FHIP2B: variants seen among roughly 807,000 people sequenced by gnomAD.
FHIP2B encodes the protein FHF complex subunit HOOK interacting protein 2B.
A neutral mutation model predicts 84.0 loss-of-function variants in FHIP2B; 72 were observed. The ratio of observed to expected loss-of-function variants is 0.86; its 90% CI spans 0.71 to 1.04. The LOEUF is 1.04. FHIP2B is among the 50% of genes least tolerant of loss of function. FHIP2B has a pLI of 0.00. For synonymous variants in FHIP2B, 497 were observed against 418.7 expected (o/e 1.19, Z -2.28); for missense variants, 972 against 968.9 (o/e 1.00, Z -0.04).
At position 22,098,987 on chromosome 8, in the gene FHIP2B, C is replaced by T; in HGVS notation, c.1005C>T (p.Gly335=). ...CGTCTGATGAGGCTTCCTTCCCTGGCAAGGAGGCCTTGGCTGCCTTCTTGG... is the reference window on the plus strand; with the variant it reads ...CGTCTGATGAGGCTTCCTTCCCTGGTAAGGAGGCCTTGGCTGCCTTCTTGG... ...SAPSDEASFP[G]KEALAAFLGW... is the part of the protein sequence containing the mutation. The change falls in exon 8 of 17, where the codon GGC becomes GGT. Residue 335 remains glycine (G), a synonymous_variant. Coordinates refer to ENST00000289921, the MANE Select transcript of FHIP2B (RefSeq NM_022749.7). The T allele has an allele frequency of 6.2e-7, 1 of 1,608,268 alleles. No homozygotes were observed.
chr8:22,102,746 C>T (rs1340133095), intron 16 of FHIP2B, 47 bp from the exon 17 acceptor site: 3 of 1,606,740 alleles, frequency 1.9e-6, no homozygotes, highest in East Asian at 2.2e-5. Flanking sequence ...ATGCTGGGCA[C>T]AGTCCTGCCC....
At position 22,094,512 on chromosome 8, in the gene FHIP2B, A is replaced by C. The variant is rs779553944; in HGVS notation, c.118A>C (p.Ser40Arg). Residue 40 changes from serine (S) to arginine (R), a missense_variant, in exon 2 of 17, where the codon AGC (serine) becomes CGC (arginine). Coordinates refer to ENST00000289921, the MANE Select transcript of FHIP2B (RefSeq NM_022749.7). ...WKGITHYYIE[S>R]TDESTPAKKT... is the part of the protein sequence containing the mutation. ...GGGCATCACGCACTACTACATCGAGAGCACAGGTGCGGCCTGGCCCTCCCC... is the reference window on the plus strand; with the variant it reads ...GGGCATCACGCACTACTACATCGAGCGCACAGGTGCGGCCTGGCCCTCCCC... The C allele has an allele frequency of 2.0e-5, 33 of 1,610,642 alleles. No homozygotes were observed. The highest frequency in any genetic ancestry group is 2.8e-5 in the Non-Finnish European group (33 of 1,178,670).
At position 22,094,498 on chromosome 8, in the gene FHIP2B, A is replaced by ACTACTACAT. The variant is rs571141421; in HGVS notation, c.106_114dup (p.Tyr36_Ile38dup). On this transcript the variant is annotated inframe_insertion, in exon 2 of 17. Transcript: ENST00000289921. ...GTGGAGCACTGGAAGGGCATCACGC[A>ACTACTACAT]CTACTACATCGAGAGCACAGGTGCG... 6.2e-7 allele frequency: 1 copy of ACTACTACAT among 1,611,542 alleles called. No individual in the cohort carries two copies. Among genetic ancestry groups the ACTACTACAT allele is most frequent in the Non-Finnish European group, 8.5e-7 (1 of 1,178,962 alleles).
intron 12 of FHIP2B, 29 bp from the exon 13 acceptor site, chr8:22,101,411 G>C (rs1826103990): frequency 1.3e-6 from 2 of 1,548,078 alleles, no homozygotes; most frequent in Non-Finnish European, 1.8e-6. Context: ...TGAGCCGGGA[G>C]CGCCTCCACA....
At chr8:22,102,442 C>A in intron 15 of FHIP2B, 86 bp from the exon 16 acceptor site, 1 of 1,522,736 alleles carries the variant, frequency 6.6e-7, no homozygotes, top group South Asian at 1.2e-5. Flanking sequence ...AAAGCACAGT[C>A]TCCCATGCTC....
rs761778789 is a variant in FHIP2B at position 22,097,813 on chromosome 8, C to G, written c.499C>G (p.Pro167Ala). 3.7e-6 allele frequency: 6 copies of G among 1,613,354 alleles called. No homozygotes were observed. Among genetic ancestry groups the G allele is most frequent in the African/African-American group, 1.3e-5 (1 of 74,904 alleles). The change falls in exon 5 of 17, where the codon CCA becomes GCA. Residue 167 changes from proline to alanine, a missense_variant. By Grantham distance (27) the Pro-to-Ala change is conservative. Coordinates refer to ENST00000289921, the MANE Select transcript of FHIP2B (RefSeq NM_022749.7). The stretch of plus-strand genomic sequence containing the variant: ...CCTCTGCTCCAAGATCCAGCAGGAC[C>G]CAGAGCTGCTCGCCTACATCCTGGA... ...TVLCSKIQQD[P>A]ELLAYILEGK...
Position 22,103,104 on chromosome 8 carries a change from C to G in FHIP2B, c.*173C>G. The stretch of plus-strand genomic sequence containing the variant: ...ACTGGGTTTCAGGGAATGGGCATGC[C>G]AGGTGCCAAGGAGCCAAACAGATGG... On this transcript the variant is annotated 3_prime_UTR_variant, in exon 17 of 17. Transcript: ENST00000289921. 1 of 890,340 alleles carries G rather than the reference C, an allele frequency of 1.1e-6. No homozygotes were observed. Among genetic ancestry groups the G allele is most frequent in the Non-Finnish European group, 1.7e-6 (1 of 602,352 alleles). 55.2% of individuals were successfully genotyped at this position (890,340 alleles called of 1,614,324 possible).
chr8:22,100,464 C>T (rs1434220964), intron 10 of FHIP2B, 130 bp from the exon 11 acceptor site: 3 of 1,058,924 alleles, frequency 2.8e-6, no homozygotes, highest in East Asian at 3.1e-5. Flanking sequence ...CAAAACCTGC[C>T]ACCTTAGCAT....
At chr8:22,098,386 A>C (rs764069825) in intron 6 of FHIP2B, 37 bp from the exon 7 acceptor site, 82 of 1,553,480 alleles carry the variant, frequency 5.3e-5, no homozygotes, top group Non-Finnish European at 6.9e-5. Flanking sequence ...TTGGGGGCTC[A>C]CATGCATGTC....
intron 1 of FHIP2B, among the ~76,000 whole-genome samples, chr8:22,091,069 A>G (rs1446187405): frequency 2.0e-5 from 3 of 152,048 alleles, no homozygotes; most frequent in East Asian, 3.9e-4. Flanking sequence ...GGTTGGCCCT[A>G]CAGGGAGACG....
intron 8 of FHIP2B, 104 bp from the exon 9 acceptor site, chr8:22,099,180 G>A (rs1350665532): frequency 1.3e-6 from 2 of 1,521,738 alleles, no homozygotes; most frequent in Non-Finnish European, 1.8e-6. Flanking sequence ...CCCCAGGCGG[G>A]CCGGGACCCT....
At chr8:22,098,011 G>T (rs979467510) in intron 5 of FHIP2B, 57 bp from the exon 6 acceptor site, 22 of 1,536,008 alleles carry the variant, frequency 1.4e-5, no homozygotes, top group Non-Finnish European at 1.9e-5. Flanking sequence ...CGGTCCCAGT[G>T]GGGGACCCTG....
intron 7 of FHIP2B, 78 bp downstream of exon 7, chr8:22,098,697 C>T (rs1825933902): frequency 7.1e-7 from 1 of 1,412,898 alleles, no homozygotes; most frequent in East Asian, 2.5e-5. Flanking sequence ...GCCAGCTCCC[C>T]TGGGGTTCCA....
rs370807518 is a variant in FHIP2B at position 22,104,831 on chromosome 8, T to TTAAAAAAAAAAAA, written c.*1900_*1901insTAAAAAAAAAAAA. 7.9e-6 allele frequency: 1 copy of TTAAAAAAAAAAAA among 126,520 alleles called. No individual in the cohort carries two copies. The allele number at this position is 126,520 out of a possible 1,614,324, so 7.8% of individuals were successfully genotyped here. A position where few individuals can be genotyped will look rare whatever the true frequency, so the allele number is the denominator to read the frequency against. ...CTGGGCAATAGAGTAAGACCCTGTCTAAAAAAAAAAAAAAAAAATTTCACA... is the reference window on the plus strand; with the variant it reads ...CTGGGCAATAGAGTAAGACCCTGTCTTAAAAAAAAAAAAAAAAAAAAAAAAAAAAAATTTCACA... On this transcript the variant is annotated 3_prime_UTR_variant, in exon 17 of 17. Coordinates refer to ENST00000289921, the MANE Select transcript of FHIP2B (RefSeq NM_022749.7).
chr8:22,103,652 CT>C lies in FHIP2B; in HGVS notation c.*723del, dbSNP rs1181602353. 2 of 152,386 alleles carry C rather than the reference CT, an allele frequency of 1.3e-5. No individual in the cohort carries two copies. The highest frequency in any genetic ancestry group is 2.9e-5 in the Non-Finnish European group (2 of 68,166). 9.4% of individuals were successfully genotyped at this position (152,386 alleles called of 1,614,324 possible). A position where few individuals can be genotyped will look rare whatever the true frequency, so the allele number is the denominator to read the frequency against. On this transcript the variant is annotated 3_prime_UTR_variant, in exon 17 of 17. Transcript: ENST00000289921. The stretch of plus-strand genomic sequence containing the variant: ...GGTCCAGCTGGTTCCTCTCTGGCGC[CT>C]TCTGAACCCGTCTCAGCAGGTCCAC...
intron 3 of FHIP2B, among the ~76,000 whole-genome samples, chr8:22,097,296 C>G (rs1825824171): frequency 6.6e-6 from 1 of 152,058 alleles, no homozygotes; most frequent in Non-Finnish European, 1.5e-5. Context: ...GGACACAGCT[C>G]TGACAGGCGC....
chr8:22,089,668 C>G (rs763975813), intron 1 of FHIP2B: 1 of 836,640 alleles, frequency 1.2e-6, no homozygotes, highest in African/African-American at 1.7e-5. Context: ...TCCCCCCAGT[C>G]CCGGTGGGCC....
At chr8:22,096,721 C>G (rs1825791549) in intron 3 of FHIP2B, 1 of 620,684 alleles carries the variant, frequency 1.6e-6, no homozygotes, top group Non-Finnish European at 2.5e-6. Flanking sequence ...AGTCCTGACA[C>G]TGAAAGTGGC....
chr8:22,102,111 G>A (rs1826152496), intron 14 of FHIP2B, 64 bp from the exon 15 acceptor site: 5 of 1,611,042 alleles, frequency 3.1e-6, no homozygotes, highest in Admixed American at 1.7e-5. Flanking sequence ...GCACCTTGCT[G>A]GGGGAGTGCA....
Sources: gnomAD v4.1 joint callset for allele counts (sites outside exome capture counted in the v4.1 genomes callset) on GRCh38, gnomAD v4.1.1 for gene constraint, MANE v1.5 for transcripts, NCBI Gene and HGNC (gene_info 2026-07-23, HGNC 2026-07-21) for gene names.